The following LRRC39 variants were observed in gnomAD, a reference collection of about 807,000 sequenced individuals.
LRRC39 encodes the protein leucine rich repeat containing 39.
Under a neutral mutation model 39.7 loss-of-function variants are expected in LRRC39, and 35 were observed. The ratio of observed to expected loss-of-function variants is 0.88; its 90% CI spans 0.67 to 1.17. The LOEUF (loss-of-function observed/expected upper bound fraction) is 1.17. Among genes scored for constraint, LRRC39 ranks in the 50% most tolerant of loss-of-function variants. The pLI, the probability that LRRC39 is intolerant of heterozygous loss-of-function variation, is 0.00. For missense variants in LRRC39, 357 were observed against 385.8 expected, an observed-to-expected ratio of 0.93 and a Z score of 0.62; for synonymous variants, 113 against 134.1, an observed-to-expected ratio of 0.84 and a Z score of 1.09.
At position 100,148,626 on chromosome 1, in the gene LRRC39, C is replaced by G; in HGVS notation, c.*416G>C. On this transcript the variant is annotated 3_prime_UTR_variant, in exon 10 of 10. Transcript: ENST00000370137. ...TTTGTGTGTGTTTATTCAATTTAGG[C>G]TTCTTAGTGTTGAAGAAAAGAAGAA... 1 of 1,599,600 alleles carries G rather than the reference C, an allele frequency of 6.3e-7. No individual in the cohort carries two copies. The highest frequency in any genetic ancestry group is 8.5e-7 in the Non-Finnish European group (1 of 1,176,328).
intron 9 of LRRC39, among the ~76,000 whole-genome samples, chr1:100,151,954 A>AAAACAAAC (rs369396255): frequency 1.8e-4 from 28 of 152,034 alleles, no homozygotes; most frequent in African/African-American, 6.3e-4. Context: ...TCATCTCTTT[A>AAAACAAAC]AAACAAACAA....
intron 7 of LRRC39, among the ~76,000 whole-genome samples, chr1:100,155,531 C>T (rs1441114317): frequency 6.6e-6 from 1 of 152,212 alleles, no homozygotes; most frequent in Non-Finnish European, 1.5e-5. Context: ...GTACAACTCT[C>T]ATGTCATATG....
At chr1:100,165,017 T>C (rs1659147489) in intron 3 of LRRC39, among the ~76,000 whole-genome samples, 1 of 152,228 alleles carries the variant, frequency 6.6e-6, no homozygotes, top group East Asian at 1.9e-4. Flanking sequence ...ATTATTTATT[T>C]AGTCATATTA....
chr1:100,150,494 A>T (rs1303498182), intron 9 of LRRC39: 1 of 152,234 alleles, frequency 6.6e-6, no homozygotes, highest in Non-Finnish European at 1.5e-5. Flanking sequence ...ATTCTACAAC[A>T]GGCATAATCT....
chr1:100,150,744 G>C (rs953515118), intron 9 of LRRC39, among the ~76,000 whole-genome samples: 3 of 152,122 alleles, frequency 2.0e-5, no homozygotes, highest in African/African-American at 7.2e-5. Flanking sequence ...TTCTTGTCCT[G>C]CAGAATTTTC....
At chr1:100,169,609 CA>C (rs977318141) in intron 2 of LRRC39, among the ~76,000 whole-genome samples, 1 of 151,030 alleles carries the variant, frequency 6.6e-6, no homozygotes, top group African/African-American at 2.4e-5. Flanking sequence ...TTATATAGCT[CA>C]AAAAAAAGAA....
At chr1:100,157,366 G>C (rs933633015) in intron 6 of LRRC39, among the ~76,000 whole-genome samples, 9 of 152,104 alleles carry the variant, frequency 5.9e-5, no homozygotes, top group African/African-American at 2.2e-4. Flanking sequence ...CACCATGTAA[G>C]ACGTGCCTTT....
chr1:100,163,080 C>T (rs541168369), intron 3 of LRRC39, among the ~76,000 whole-genome samples: 2 of 152,266 alleles, frequency 1.3e-5, no homozygotes, highest in South Asian at 2.1e-4. Context: ...TATGTGTGGC[C>T]TTCTGATCTA....
At chr1:100,154,328 AT>A (rs1658296249) in intron 8 of LRRC39, among the ~76,000 whole-genome samples, 1 of 152,218 alleles carries the variant, frequency 6.6e-6, no homozygotes, top group Non-Finnish European at 1.5e-5. Flanking sequence ...AAGAAAAAAA[AT>A]TCCTTTTGAA....
chr1:100,156,444 T>A, intron 6 of LRRC39, 127 bp from the exon 7 acceptor site: 1 of 823,980 alleles, frequency 1.2e-6, no homozygotes, highest in Non-Finnish European at 1.8e-6. Context: ...TATTTAGTCA[T>A]ATTAGTCCGC....
intron 1 of LRRC39, among the ~76,000 whole-genome samples, chr1:100,177,340 C>G (rs901676483): frequency 2.0e-5 from 3 of 151,982 alleles, no homozygotes; most frequent in African/African-American, 4.8e-5. Context: ...ATTTTTTAAA[C>G]TAATATTATG....
chr1:100,175,777 C>A (rs959561421), intron 1 of LRRC39, among the ~76,000 whole-genome samples: 1 of 151,830 alleles, frequency 6.6e-6, no homozygotes. Flanking sequence ...AAAAAAAAAT[C>A]CAAATGACCA....
In LRRC39 at chr1:100,168,576, A is replaced by G; in HGVS notation, c.-60T>C. On this transcript the variant is annotated 5_prime_UTR_variant, in exon 3 of 10. Coordinates refer to ENST00000370137, the MANE Select transcript of LRRC39 (RefSeq NM_144620.4). ...TAGGTTTTGAATAGCTGAATCATAGATACCATTTCAGAAAGGACCTAAATG... is the reference window on the plus strand; with the variant it reads ...TAGGTTTTGAATAGCTGAATCATAGGTACCATTTCAGAAAGGACCTAAATG... 7.8e-7 allele frequency: 1 copy of G among 1,289,384 alleles called. No individual in the cohort carries two copies. The highest frequency in any genetic ancestry group is 1.1e-6 in the Non-Finnish European group (1 of 905,482). The allele number at this position is 1,289,384 out of a possible 1,614,324, so 79.9% of individuals were successfully genotyped here.
At position 100,178,207 on chromosome 1, in the gene LRRC39, C is replaced by G. The variant is rs892521268; in HGVS notation, c.-191G>C. On this transcript the variant is annotated 5_prime_UTR_variant, in exon 1 of 10. Transcript: ENST00000370137. ...GGGAAATTTTTTTTTCAGTGTGGCT[C>G]CAAATGATTAAAATCCCCAGTCAGC... 1 of 151,972 alleles carries G rather than the reference C, an allele frequency of 6.6e-6. No individual in the cohort carries two copies. The highest frequency in any genetic ancestry group is 6.6e-5 in the Admixed American group (1 of 15,260). 9.4% of individuals were successfully genotyped at this position (151,972 alleles called of 1,614,324 possible).
chr1:100,167,971 G>A (rs1659362061), intron 3 of LRRC39, among the ~76,000 whole-genome samples: 1 of 151,956 alleles, frequency 6.6e-6, no homozygotes. Flanking sequence ...GAGGAAATGA[G>A]AGTCAAATAA....
chr1:100,166,697 A>C (rs1373950986), intron 3 of LRRC39, among the ~76,000 whole-genome samples: 1 of 152,190 alleles, frequency 6.6e-6, no homozygotes, highest in Non-Finnish European at 1.5e-5. Context: ...AAAAATTCAG[A>C]AAATTTGCAG....
intron 1 of LRRC39, among the ~76,000 whole-genome samples, chr1:100,175,812 C>T (rs1659918820): frequency 6.6e-6 from 1 of 152,024 alleles, no homozygotes; most frequent in Non-Finnish European, 1.5e-5. Flanking sequence ...TGTGCTCCAC[C>T]TTAATAAAAA....
Position 100,148,606 on chromosome 1 carries a change from G to A in LRRC39, c.*436C>T, listed in dbSNP as rs377350794. 3.2e-6 allele frequency: 5 copies of A among 1,585,622 alleles called. No homozygotes were observed. The highest frequency in any genetic ancestry group is 2.7e-5 in the African/African-American group (2 of 73,094). On this transcript the variant is annotated 3_prime_UTR_variant, in exon 10 of 10. Coordinates refer to ENST00000370137, the MANE Select transcript of LRRC39 (RefSeq NM_144620.4). Reference sequence around the variant, plus strand: ...TTGCAAAATTTTAACAATGTTTTGTGTGTGTTTATTCAATTTAGGCTTCTT... The same window carrying A: ...TTGCAAAATTTTAACAATGTTTTGTATGTGTTTATTCAATTTAGGCTTCTT...
At chr1:100,161,229 C>T (rs1278692334) in intron 3 of LRRC39, among the ~76,000 whole-genome samples, 3 of 152,252 alleles carry the variant, frequency 2.0e-5, no homozygotes, top group African/African-American at 7.2e-5. Flanking sequence ...ATAAAGGAAA[C>T]TCCATACCCA....
Sources: gnomAD v4.1 joint callset for allele counts (sites outside exome capture counted in the v4.1 genomes callset) on GRCh38, gnomAD v4.1.1 for gene constraint, MANE v1.5 for transcripts, NCBI Gene and HGNC (gene_info 2026-07-23, HGNC 2026-07-21) for gene names.